Variants in CFAP61 observed in about 807,000 individuals in gnomAD.
CFAP61 encodes the protein cilia and flagella associated protein 61, also known as cilia- and flagella-associated protein 61.
CFAP61 carries 107 observed loss-of-function variants against 135.6 expected under a neutral mutation model. That is an observed-to-expected ratio of 0.79 (90% CI 0.67 to 0.93). The LOEUF (loss-of-function observed/expected upper bound fraction) is 0.93. Among genes scored for constraint, CFAP61 ranks in the 40% least tolerant of loss-of-function variants. The pLI, the probability that CFAP61 is intolerant of heterozygous loss-of-function variation, is 0.00. For missense variants in CFAP61, 1,507 were observed against 1,556.2 expected (o/e 0.97, Z 0.53); for synonymous variants, 575 against 578.5 (o/e 0.99, Z 0.09).
At chr20:20,213,899 ATCTC>A (rs72052231) in intron 17 of CFAP61, among the ~76,000 whole-genome samples, 69 of 147,492 alleles carry the variant, frequency 4.7e-4, no homozygotes, top group Non-Finnish European at 6.5e-4. Context: ...ATGGTGTGCA[ATCTC>A]TCTCTCTCTC....
intron 22 of CFAP61, among the ~76,000 whole-genome samples, chr20:20,281,548 G>C (rs1052361628): frequency 2.6e-5 from 4 of 152,068 alleles, no homozygotes; most frequent in African/African-American, 9.7e-5. Flanking sequence ...AGTGAATTAC[G>C]TTGATCGATT....
chr20:20,322,764 G>A, intron 25 of CFAP61: 1 of 985,368 alleles, frequency 1.0e-6, no homozygotes, highest in Non-Finnish European at 1.2e-6. Flanking sequence ...GGGTCCTCGT[G>A]TTGCCTAGCA....
At chr20:20,355,091 T>TGGTCACACTGTGAGAGGGGAGAA (rs2059029927) in intron 26 of CFAP61, among the ~76,000 whole-genome samples, 1 of 108,104 alleles carries the variant, frequency 9.3e-6, no homozygotes, top group African/African-American at 3.7e-5. Flanking sequence ...AGAGGGAAGG[T>TGGTCACACTGTGAGAGGGGAGAA]GGTCACACTG....
chr20:20,183,750 G>A, intron 13 of CFAP61, among the ~76,000 whole-genome samples: 1 of 152,106 alleles, frequency 6.6e-6, no homozygotes, highest in South Asian at 2.1e-4. Context: ...TTTGTACCAA[G>A]TCCACAATTC....
chr20:20,154,986 A>G (rs2052765459), intron 9 of CFAP61, among the ~76,000 whole-genome samples: 1 of 152,200 alleles, frequency 6.6e-6, no homozygotes, highest in Non-Finnish European at 1.5e-5. Context: ...AAGCAAAAAG[A>G]AGAAATCTGG....
intron 25 of CFAP61, among the ~76,000 whole-genome samples, chr20:20,298,810 A>G (rs1330654453): frequency 2.4e-4 from 37 of 152,170 alleles, no homozygotes; most frequent in East Asian, 1.9e-4. Flanking sequence ...CTTCCTCCTC[A>G]TGGCATGTGT....
intron 26 of CFAP61, among the ~76,000 whole-genome samples, chr20:20,342,227 G>A (rs999749228): frequency 2.8e-4 from 43 of 152,298 alleles, no homozygotes; most frequent in African/African-American, 1.0e-3. Flanking sequence ...TTGCCCTCAA[G>A]AACGAACGTT....
At chr20:20,193,246 C>T (rs2056047544) in intron 15 of CFAP61, among the ~76,000 whole-genome samples, 1 of 152,108 alleles carries the variant, frequency 6.6e-6, no homozygotes, top group African/African-American at 2.4e-5. Flanking sequence ...TGATTCTACA[C>T]TTTCCTTCAT....
chr20:20,084,736 C>G (rs1298966353), intron 6 of CFAP61, among the ~76,000 whole-genome samples: 1 of 152,188 alleles, frequency 6.6e-6, no homozygotes, highest in East Asian at 1.9e-4. Context: ...GGAGTTTGTC[C>G]TCACTTCTCC....
In CFAP61 at chr20:20,222,766, T is replaced by G. The variant is rs530099045; in HGVS notation, c.1933-5483T>G. Among the ~76,000 whole-genome samples, 7 of 152,288 alleles carry G rather than the reference T, an allele frequency of 4.6e-5. No individual in the cohort carries two copies. The South Asian group carries it at 1.5e-3, about 32-fold the overall frequency. ...TAAAATGTCTATACCCCCCTACCCT[T>G]TATTTATTTGTAATATTGCAATACT... On this transcript the variant is annotated intron_variant, in intron 17 of 26. Coordinates refer to ENST00000245957, the MANE Select transcript of CFAP61 (RefSeq NM_015585.4).
intron 21 of CFAP61, among the ~76,000 whole-genome samples, chr20:20,276,043 G>A (rs1211310039): frequency 1.3e-5 from 2 of 152,180 alleles, no homozygotes; most frequent in African/African-American, 2.4e-5. Context: ...TGAAGAGCAG[G>A]GAGTATGGGA....
chr20:20,275,323 C>T (rs2053669363), intron 21 of CFAP61, among the ~76,000 whole-genome samples: 1 of 152,338 alleles, frequency 6.6e-6, no homozygotes, highest in East Asian at 1.9e-4. Context: ...TGCTATGCAG[C>T]ATTATTATGA....
At chr20:20,357,951 CTGAGGGGAGGTGGTCATAGTG>C (rs1390806891) in intron 26 of CFAP61, among the ~76,000 whole-genome samples, 971 of 76,852 alleles carry the variant, frequency 0.013, 26 homozygotes, top group East Asian at 0.037. Context: ...GGTGGTCACA[CTGAGGGGAGGTGGTCATAGTG>C]TGAGGGGAGG....
At chr20:20,292,879 G>A (rs1448412918) in intron 24 of CFAP61, among the ~76,000 whole-genome samples, 2 of 140,968 alleles carry the variant, frequency 1.4e-5, no homozygotes, top group African/African-American at 2.7e-5. Context: ...CACTCTCTCT[G>A]TTGGAGCAGT....
At chr20:20,254,823 C>T (rs1473473275) in intron 20 of CFAP61, among the ~76,000 whole-genome samples, 1 of 152,232 alleles carries the variant, frequency 6.6e-6, no homozygotes, top group African/African-American at 2.4e-5. Context: ...GCACGCCTCA[C>T]TCTAAATTGT....
intron 8 of CFAP61, among the ~76,000 whole-genome samples, chr20:20,116,822 A>C (rs1041013769): frequency 5.3e-5 from 8 of 151,476 alleles, no homozygotes; most frequent in African/African-American, 1.9e-4. Context: ...CCACTTTTTT[A>C]GTTTCCACAT....
At chr20:20,257,525 G>A (rs1023242044) in intron 20 of CFAP61, among the ~76,000 whole-genome samples, 8 of 147,958 alleles carry the variant, frequency 5.4e-5, no homozygotes, top group African/African-American at 2.0e-4. Context: ...TGAGGCAAAA[G>A]AATCACTTGA....
At chr20:20,256,791 C>G (rs920884232) in intron 20 of CFAP61, among the ~76,000 whole-genome samples, 2 of 152,122 alleles carry the variant, frequency 1.3e-5, no homozygotes, top group Non-Finnish European at 2.9e-5. Context: ...AACTTTTTTA[C>G]CCGAAAAACA....
rs556618480 is a variant in CFAP61, at chr20:20,231,428, C to A, written c.2060+3052C>A. Among the ~76,000 whole-genome samples the A allele has an allele frequency of 7.2e-5, 11 of 152,212 alleles. No homozygotes were observed. In the South Asian group the frequency reaches 2.3e-3, roughly 32 times the overall value. ...GTCTTTTACTTCCCCTGCTGTCCTC[C>A]GTGCCCTCCTGCTCCTGGCCCTGGT... is the stretch of plus-strand genomic sequence containing the variant. On this transcript the variant is annotated intron_variant, in intron 18 of 26. Coordinates refer to ENST00000245957, the MANE Select transcript of CFAP61 (RefSeq NM_015585.4).
Sources: gnomAD v4.1 joint callset for allele counts (sites outside exome capture counted in the v4.1 genomes callset) on GRCh38, gnomAD v4.1.1 for gene constraint, MANE v1.5 for transcripts, NCBI Gene and HGNC (gene_info 2026-07-23, HGNC 2026-07-21) for gene names.